Variants in CDYL observed in about 807,000 individuals in gnomAD.
CDYL encodes chromodomain Y like, also known as chromodomain Y-like protein.
A neutral mutation model predicts 47.3 loss-of-function variants in CDYL; 8 were observed. That is an observed-to-expected ratio of 0.17 (90% confidence interval 0.10 to 0.31). The LOEUF (loss-of-function observed/expected upper bound fraction) is 0.31. Among genes scored for constraint, CDYL ranks in the 10% least tolerant of loss-of-function variants. CDYL has a pLI of 1.00. For missense variants in CDYL, 471 were observed against 701.4 expected, an observed-to-expected ratio of 0.67 and a Z score of 3.71; for synonymous variants, 266 against 265.0, an observed-to-expected ratio of 1.00 and a Z score of -0.04.
At chr6:4,754,520 G>C (rs1758046793) in intron 3 of CDYL, among the ~76,000 whole-genome samples, 1 of 152,082 alleles carries the variant, frequency 6.6e-6, no homozygotes, top group Non-Finnish European at 1.5e-5. Flanking sequence ...GTGACAATTT[G>C]GACAAAGAGT....
chr6:4,802,548 A>G (rs1414148798), intron 1 of CDYL, among the ~76,000 whole-genome samples: 1 of 152,130 alleles, frequency 6.6e-6, no homozygotes, highest in Non-Finnish European at 1.5e-5. Flanking sequence ...CAAAAAAACA[A>G]AAAACAGTTA....
intron 1 of CDYL, among the ~76,000 whole-genome samples, chr6:4,850,760 G>A (rs1361956826): frequency 6.6e-6 from 1 of 152,110 alleles, no homozygotes; most frequent in African/African-American, 2.4e-5. Flanking sequence ...GATGAATAAG[G>A]TGAATCTTTC....
At chr6:4,897,349 T>C (rs1762313648) in intron 2 of CDYL, among the ~76,000 whole-genome samples, 1 of 152,206 alleles carries the variant, frequency 6.6e-6, no homozygotes, top group African/African-American at 2.4e-5. Context: ...TGAGGAAATA[T>C]TAATACCTTA....
chr6:4,850,681 A>G (rs1760796188), intron 1 of CDYL, among the ~76,000 whole-genome samples: 1 of 152,190 alleles, frequency 6.6e-6, no homozygotes, highest in South Asian at 2.1e-4. Context: ...CCATTTGATA[A>G]TTGAAAGCAT....
chr6:4,731,724 C>A (rs532018656), intron 2 of CDYL, among the ~76,000 whole-genome samples: 1 of 151,936 alleles, frequency 6.6e-6, no homozygotes, highest in Admixed American at 6.6e-5. Context: ...ACTTGAACCC[C>A]AGAGGCAGAG....
At chr6:4,719,356 C>T (rs1033448023) in intron 2 of CDYL, among the ~76,000 whole-genome samples, 3 of 152,128 alleles carry the variant, frequency 2.0e-5, no homozygotes, top group East Asian at 1.9e-4. Context: ...ATGTGGTTAA[C>T]GGTATTAATA....
chr6:4,907,412 A>G (rs1757272625), intron 2 of CDYL, among the ~76,000 whole-genome samples: 1 of 152,178 alleles, frequency 6.6e-6, no homozygotes, highest in South Asian at 2.1e-4. Context: ...GCTGGAGTAC[A>G]GTGGCTGGTG....
chr6:4,707,010 A>G (rs1350921756), intron 1 of CDYL, among the ~76,000 whole-genome samples: 1 of 152,198 alleles, frequency 6.6e-6, no homozygotes, highest in African/African-American at 2.4e-5. Context: ...CAGAGTTGGA[A>G]GATAAAACAG....
At chr6:4,859,907 C>CT (rs1157813995) in intron 1 of CDYL, among the ~76,000 whole-genome samples, 7,210 of 142,534 alleles carry the variant, frequency 0.051, 596 homozygotes, top group African/African-American at 0.17. Flanking sequence ...CTTTTTTTTT[C>CT]TTTTTTTTTT....
intron 3 of CDYL, among the ~76,000 whole-genome samples, chr6:4,743,368 T>A (rs1467604853): frequency 6.6e-6 from 1 of 152,106 alleles, no homozygotes; most frequent in African/African-American, 2.4e-5. Context: ...ACAGGCAGAG[T>A]CTAATCTTTA....
Position 4,914,828 on chromosome 6 carries a change from G to A in CDYL, c.692-20687G>A, listed in dbSNP as rs557887287. Reference sequence around the variant, plus strand: ...TGTTTCAGTACAGCAGTAACAGCCCGGCACGGTACCACAGTGTTCACAGTT... The same window carrying A: ...TGTTTCAGTACAGCAGTAACAGCCCAGCACGGTACCACAGTGTTCACAGTT... On this transcript the variant is annotated intron_variant, in intron 2 of 6. Transcript: ENST00000397588. 2.6e-5 allele frequency among the ~76,000 whole-genome samples: 4 copies of A among 152,314 alleles called. No individual in the cohort carries two copies. In the East Asian group the frequency reaches 7.7e-4, roughly 29 times the overall value.
At chr6:4,757,387 A>G (rs1277073714) in intron 3 of CDYL, among the ~76,000 whole-genome samples, 1 of 152,152 alleles carries the variant, frequency 6.6e-6, no homozygotes, top group Non-Finnish European at 1.5e-5. Context: ...GGTTTTTGTT[A>G]TTTCTATCAT....
At chr6:4,822,611 C>G (rs1237648108) in intron 1 of CDYL, among the ~76,000 whole-genome samples, 1 of 152,154 alleles carries the variant, frequency 6.6e-6, no homozygotes, top group Non-Finnish European at 1.5e-5. Context: ...CAGCCATTCT[C>G]TGGAATCTAT....
chr6:4,866,971 A>G (rs1462042178), intron 1 of CDYL, among the ~76,000 whole-genome samples: 2 of 152,008 alleles, frequency 1.3e-5, no homozygotes, highest in African/African-American at 2.4e-5. Context: ...TTTTCAAGCT[A>G]TCATGAAAAG....
chr6:4,809,512 T>C (rs567442896), intron 1 of CDYL, among the ~76,000 whole-genome samples: 121 of 152,178 alleles, frequency 8.0e-4, no homozygotes, highest in African/African-American at 2.8e-3. Context: ...ATATTAGTCC[T>C]TGGTGATCCT....
At chr6:4,797,069 G>A (rs1356038264) in intron 1 of CDYL, among the ~76,000 whole-genome samples, 1 of 152,090 alleles carries the variant, frequency 6.6e-6, no homozygotes, top group Non-Finnish European at 1.5e-5. Flanking sequence ...ATGTGACAAG[G>A]ATATTGGCAT....
At chr6:4,909,217 T>G (rs1029181878) in intron 2 of CDYL, among the ~76,000 whole-genome samples, 17 of 152,210 alleles carry the variant, frequency 1.1e-4, no homozygotes, top group Non-Finnish European at 2.2e-4. Context: ...ATGTCATTAC[T>G]AAGCCCTGTA....
chr6:4,815,673 CTTT>C (rs35346944), intron 1 of CDYL, among the ~76,000 whole-genome samples: 1 of 113,650 alleles, frequency 8.8e-6, no homozygotes, highest in Non-Finnish European at 1.8e-5. Context: ...TGAGATTTCA[CTTT>C]TTTTTTTTTT....
Position 4,788,134 on chromosome 6 carries a change from C to T in CDYL, c.24+11327C>T, listed in dbSNP as rs73362523. Among the ~76,000 whole-genome samples the T allele has an allele frequency of 6.5e-3, 992 of 152,028 alleles. 7 individuals carry two copies. Among genetic ancestry groups the T allele is most frequent in the African/African-American group, 0.023 (958 of 41,458 alleles). On this transcript the variant is annotated intron_variant, in intron 1 of 6. Coordinates refer to ENST00000397588, the MANE Select transcript of CDYL (RefSeq NM_004824.4). The stretch of plus-strand genomic sequence containing the variant: ...AAAGGTCAGGGTCCTTCTTTTGGGT[C>T]TCCAGTGGCTCACTTCTGTAGCAGG...
Sources: allele counts gnomAD v4.1 joint callset (sites outside exome capture counted in the v4.1 genomes callset), GRCh38; gene constraint gnomAD v4.1.1; transcripts MANE v1.5; gene names NCBI Gene and HGNC (gene_info 2026-07-23, HGNC 2026-07-21).